TAB2: variants seen among roughly 807,000 people sequenced by gnomAD.
The protein encoded by TAB2 is TGF-beta activated kinase 1 (MAP3K7) binding protein 2, also known as TGF-beta-activated kinase 1 and MAP3K7-binding protein 2.
Under a neutral mutation model 65.0 loss-of-function variants are expected in TAB2, and 3 were observed. That is an observed-to-expected ratio of 0.05 (90% CI 0.02 to 0.12). The LOEUF (loss-of-function observed/expected upper bound fraction) is 0.12, where lower values mean the gene tolerates loss of function less well. Ranked by LOEUF, TAB2 falls within the 10% of genes least tolerant of loss-of-function variation. The pLI is 1.00. For missense variants in TAB2, 623 were observed against 840.3 expected, an observed-to-expected ratio of 0.74 and a Z score of 3.20; for synonymous variants, 298 against 285.1, an observed-to-expected ratio of 1.05 and a Z score of -0.46.
chr6:149,348,948 CAA>C (rs1252070425), intron 1 of TAB2, among the ~76,000 whole-genome samples: 1 of 150,522 alleles, frequency 6.6e-6, no homozygotes, highest in East Asian at 2.0e-4. Flanking sequence ...GCCTGGGCAA[CAA>C]GAGCAAAACT....
chr6:149,348,885 T>G (rs1157849952), intron 1 of TAB2, among the ~76,000 whole-genome samples: 1 of 151,752 alleles, frequency 6.6e-6, no homozygotes, highest in Non-Finnish European at 1.5e-5. Context: ...GAGAATTGCT[T>G]CAATCCGGGA....
intron 1 of TAB2, among the ~76,000 whole-genome samples, chr6:149,349,993 G>A (rs566680822): frequency 4.6e-5 from 7 of 152,140 alleles, no homozygotes; most frequent in South Asian, 2.1e-4. Context: ...GTGCAGTGGC[G>A]CAATCTCAGC....
intron 1 of TAB2, among the ~76,000 whole-genome samples, chr6:149,238,021 C>G (rs564431726): frequency 6.6e-6 from 1 of 152,182 alleles, no homozygotes; most frequent in South Asian, 2.1e-4. Context: ...TCTTCCTCTC[C>G]GTGGTATTTA....
At chr6:149,275,300 G>GAAAGAAAGAAACAAAGAAAGAAAA in intron 1 of TAB2, among the ~76,000 whole-genome samples, 1 of 128,302 alleles carries the variant, frequency 7.8e-6, no homozygotes, top group Non-Finnish European at 1.7e-5. Context: ...AAGAAAGAAA[G>GAAAGAAAGAAACAAAGAAAGAAAA]AGAAAAAAGA....
At chr6:149,224,480 C>T (rs954395398) in intron 1 of TAB2, among the ~76,000 whole-genome samples, 2 of 152,170 alleles carry the variant, frequency 1.3e-5, no homozygotes, top group African/African-American at 2.4e-5. Flanking sequence ...ATCACAGGCT[C>T]CTGGGCTGAA....
chr6:149,384,587 C>G (rs952289076), intron 3 of TAB2, among the ~76,000 whole-genome samples: 1 of 151,986 alleles, frequency 6.6e-6, no homozygotes, highest in Non-Finnish European at 1.5e-5. Context: ...CTTATTTTAC[C>G]CATTAAGAAC....
At chr6:149,362,487 TATGAGAAATCCGTCTCC>T (rs1177345291) in intron 1 of TAB2, among the ~76,000 whole-genome samples, 3 of 152,146 alleles carry the variant, frequency 2.0e-5, no homozygotes, top group Non-Finnish European at 4.4e-5. Flanking sequence ...CTAAACCACT[TATGAGAAATCCGTCTCC>T]ATGATTCATT....
At chr6:149,230,544 C>T (rs1777383096) in intron 1 of TAB2, among the ~76,000 whole-genome samples, 1 of 152,224 alleles carries the variant, frequency 6.6e-6, no homozygotes, top group Non-Finnish European at 1.5e-5. Context: ...AGGTCAAGTA[C>T]ATGAGGCAAG....
At chr6:149,398,827 A>G (rs1227745335) in intron 5 of TAB2, among the ~76,000 whole-genome samples, 4 of 152,168 alleles carry the variant, frequency 2.6e-5, no homozygotes, top group Admixed American at 6.5e-5. Context: ...CACATAGAAC[A>G]GGGATCTACT....
intron 1 of TAB2, among the ~76,000 whole-genome samples, chr6:149,346,127 G>A (rs1389101524): frequency 6.6e-6 from 1 of 152,206 alleles, no homozygotes; most frequent in East Asian, 1.9e-4. Context: ...GGGAGGAAGG[G>A]GTGGATGGGT....
intron 3 of TAB2, among the ~76,000 whole-genome samples, chr6:149,394,210 C>T (rs957089959): frequency 7.9e-5 from 12 of 152,068 alleles, no homozygotes; most frequent in African/African-American, 2.4e-4. Flanking sequence ...TTAAGTCTGT[C>T]CAAGGAATTC....
At chr6:149,265,858 TA>T (rs1778254015) in intron 1 of TAB2, among the ~76,000 whole-genome samples, 1 of 152,156 alleles carries the variant, frequency 6.6e-6, no homozygotes, top group African/African-American at 2.4e-5. Flanking sequence ...AGGTCCCACA[TA>T]AATTCTCTTC....
intron 1 of TAB2, among the ~76,000 whole-genome samples, chr6:149,334,815 T>C (rs2114762375): frequency 6.6e-6 from 1 of 152,296 alleles, no homozygotes; most frequent in East Asian, 1.9e-4. Context: ...AAGTAATCAG[T>C]GAAACTTTGC....
intron 1 of TAB2, among the ~76,000 whole-genome samples, chr6:149,237,693 G>A (rs1382209780): frequency 6.6e-6 from 1 of 152,044 alleles, no homozygotes; most frequent in African/African-American, 2.4e-5. Context: ...ACCTCTCCTG[G>A]AACACCCCAG....
intron 1 of TAB2, among the ~76,000 whole-genome samples, chr6:149,283,919 C>T (rs1778623042): frequency 6.6e-6 from 1 of 152,108 alleles, no homozygotes; most frequent in South Asian, 2.1e-4. Context: ...TTCAAGATTT[C>T]AGGACACAAG....
chr6:149,397,795 G>A (rs1317569076), intron 4 of TAB2, 31 bp downstream of exon 4: 2 of 1,610,590 alleles, frequency 1.2e-6, no homozygotes, highest in Non-Finnish European at 1.7e-6. Flanking sequence ...TGTGATCTCT[G>A]CTTGAACATG....
At chr6:149,293,576 G>A (rs1160290435) in intron 1 of TAB2, among the ~76,000 whole-genome samples, 2 of 152,212 alleles carry the variant, frequency 1.3e-5, no homozygotes, top group Non-Finnish European at 2.9e-5. Context: ...ATGAATGAAA[G>A]ACCAGGTGTT....
At chr6:149,403,242 AAAAAAATAT>A (rs1398632610) in intron 6 of TAB2, among the ~76,000 whole-genome samples, 3 of 50,662 alleles carry the variant, frequency 5.9e-5, no homozygotes, top group African/African-American at 2.7e-4. Context: ...TCTAAAAAAA[AAAAAAATAT>A]ATATATATAT....
chr6:149,400,531 A>G (rs753398312), intron 6 of TAB2: 59 of 1,614,268 alleles, frequency 3.7e-5, no homozygotes, highest in Non-Finnish European at 4.7e-5. Context: ...ATGAAAGCCT[A>G]TTGTGAACCA....
Sources: gnomAD v4.1 joint callset for allele counts (sites outside exome capture counted in the v4.1 genomes callset) on GRCh38, gnomAD v4.1.1 for gene constraint, MANE v1.5 for transcripts, NCBI Gene and HGNC (gene_info 2026-07-23, HGNC 2026-07-21) for gene names.